The following SLC2A9 variants were observed in gnomAD, a reference collection of about 807,000 sequenced individuals.
SLC2A9 encodes the protein solute carrier family 2 member 9.
A neutral mutation model predicts 50.6 loss-of-function variants in SLC2A9; 39 were observed. The ratio of observed to expected loss-of-function variants is 0.77; its 90% confidence interval spans 0.60 to 1.01. The LOEUF (loss-of-function observed/expected upper bound fraction) is 1.01, where lower values mean the gene tolerates loss of function less well. Among genes scored for constraint, SLC2A9 ranks in the 50% least tolerant of loss-of-function variants. The probability of loss-of-function intolerance (pLI) is 0.00; values close to 1 mark genes in which losing one functional copy is unlikely to be tolerated. For missense variants in SLC2A9, 686 were observed against 677.6 expected, an observed-to-expected ratio of 1.01 and a Z score of -0.14; for synonymous variants, 324 against 276.9, an observed-to-expected ratio of 1.17 and a Z score of -1.69.
intron 9 of SLC2A9, among the ~76,000 whole-genome samples, chr4:9,887,859 C>A (rs1736580848): frequency 6.6e-6 from 1 of 152,156 alleles, no homozygotes; most frequent in Non-Finnish European, 1.5e-5. Flanking sequence ...CAGATGAAGC[C>A]TGTGATGAGT....
At chr4:9,843,871 A>G (rs1244221055) in intron 10 of SLC2A9, among the ~76,000 whole-genome samples, 1 of 152,124 alleles carries the variant, frequency 6.6e-6, no homozygotes, top group African/African-American at 2.4e-5. Flanking sequence ...ACACTTGTTG[A>G]CTAACTGTTT....
At chr4:9,825,387 C>A (rs1291156707), downstream of SLC2A9, among the ~76,000 whole-genome samples, 11 of 152,176 alleles carry the variant, frequency 7.2e-5, no homozygotes, top group Admixed American at 1.3e-4. Flanking sequence ...TTCCCTTGAG[C>A]ACTTTGAGTG....
intron 10 of SLC2A9, among the ~76,000 whole-genome samples, chr4:9,843,198 A>G (rs532071395): frequency 1.3e-5 from 2 of 152,270 alleles, no homozygotes; most frequent in South Asian, 4.1e-4. Flanking sequence ...GGTCTGTCTG[A>G]GAATCACAAA....
intron 3 of SLC2A9, among the ~76,000 whole-genome samples, chr4:9,805,069 C>T (rs1351047416): frequency 6.6e-6 from 1 of 152,182 alleles, no homozygotes; most frequent in African/African-American, 2.4e-5. Context: ...CTCTGCCGGC[C>T]TGCAGATCTC....
intron 5 of SLC2A9, among the ~76,000 whole-genome samples, chr4:9,952,442 A>G (rs1237771134): frequency 2.2e-4 from 33 of 151,988 alleles, no homozygotes; most frequent in Admixed American, 2.2e-3. Flanking sequence ...CCAGAAGCTG[A>G]GCAGGTGCCA....
chr4:9,995,821 T>C (rs1251617702), intron 3 of SLC2A9: 1 of 152,216 alleles, frequency 6.6e-6, no homozygotes, highest in East Asian at 1.9e-4. Flanking sequence ...ATAAATTAAA[T>C]GATTTGGCCA....
intron 6 of SLC2A9, among the ~76,000 whole-genome samples, chr4:9,926,325 C>A (rs1409924979): frequency 6.7e-6 from 1 of 148,374 alleles, no homozygotes; most frequent in Non-Finnish European, 1.5e-5. Flanking sequence ...TTGGTGCTCA[C>A]CAATGCAAAC....
Position 9,950,699 on chromosome 4 carries a change from CTGGCT to C in SLC2A9, c.682-8659_682-8655del, listed in dbSNP as rs1172382937. ...ACAGTATGGAGAGATCGAGACCATC[CTGGCT>C]AACACGGTGAAACCCTGTCTCTACT... is the stretch of plus-strand genomic sequence containing the variant. On this transcript the variant is annotated intron_variant, in intron 5 of 11. Transcript: ENST00000264784. Among the ~76,000 whole-genome samples, 418 of 47,808 alleles carry C rather than the reference CTGGCT, an allele frequency of 8.7e-3. 31 individuals are homozygous for C. Among genetic ancestry groups the C allele is most frequent in the East Asian group, 0.055 (72 of 1,312 alleles). 31.4% of individuals were successfully genotyped at this position (47,808 alleles called of 152,430 possible). A position where few individuals can be genotyped will look rare whatever the true frequency, so the allele number is the denominator to read the frequency against.
chr4:9,896,708 C>A (rs1225025361), intron 8 of SLC2A9, among the ~76,000 whole-genome samples: 1 of 152,204 alleles, frequency 6.6e-6, no homozygotes, highest in Admixed American at 6.5e-5. Context: ...TAGAGTTTAG[C>A]TTTTATGTCT....
chr4:9,884,490 AT>A (rs1560237385), intron 10 of SLC2A9, among the ~76,000 whole-genome samples: 1 of 151,592 alleles, frequency 6.6e-6, no homozygotes, highest in South Asian at 2.1e-4. Flanking sequence ...ATACAAGACC[AT>A]TTTTTGGAGG....
intron 5 of SLC2A9, among the ~76,000 whole-genome samples, chr4:9,966,586 G>A (rs1345525761): frequency 7.2e-6 from 1 of 138,088 alleles, no homozygotes; most frequent in Non-Finnish European, 1.5e-5. Context: ...AACCTGGGAG[G>A]CGGGGGTTGA....
At chr4:9,878,401 GT>G (rs1734634552) in intron 10 of SLC2A9, among the ~76,000 whole-genome samples, 1 of 152,074 alleles carries the variant, frequency 6.6e-6, no homozygotes, top group Non-Finnish European at 1.5e-5. Flanking sequence ...GCTGAGTTCA[GT>G]CACCAGTGGC....
chr4:9,776,953 A>G (rs751485058), downstream of SLC2A9, among the ~76,000 whole-genome samples: 34 of 152,100 alleles, frequency 2.2e-4, no homozygotes, highest in Non-Finnish European at 4.1e-4. Flanking sequence ...TTTATCAAAT[A>G]AGCTCACTCT....
intron 6 of SLC2A9, among the ~76,000 whole-genome samples, chr4:9,926,561 C>T (rs932784509): frequency 6.6e-6 from 1 of 151,766 alleles, no homozygotes; most frequent in Non-Finnish European, 1.5e-5. Flanking sequence ...TATGAATATA[C>T]ATGCTATCAC....
intron 3 of SLC2A9, among the ~76,000 whole-genome samples, chr4:9,816,747 G>A (rs1453338939): frequency 6.6e-6 from 1 of 151,928 alleles, no homozygotes; most frequent in Non-Finnish European, 1.5e-5. Context: ...TGAAAAAATG[G>A]AAATCTGGGT....
At chr4:9,782,119 G>A in intron 3 of SLC2A9, 1 of 1,546,582 alleles carries the variant, frequency 6.5e-7, no homozygotes, top group Non-Finnish European at 8.7e-7. Flanking sequence ...TGGGGGGCTC[G>A]GCGGGGGCAC....
intron 4 of SLC2A9, among the ~76,000 whole-genome samples, chr4:9,982,520 T>G (rs1756053996): frequency 6.6e-6 from 1 of 152,334 alleles, no homozygotes; most frequent in African/African-American, 2.4e-5. Flanking sequence ...TATTTTTAGT[T>G]AAGGAAATTC....
At chr4:9,967,829 A>G (rs534322460) in intron 5 of SLC2A9, among the ~76,000 whole-genome samples, 1 of 151,832 alleles carries the variant, frequency 6.6e-6, no homozygotes, top group South Asian at 2.1e-4. Flanking sequence ...ATAGAACAAA[A>G]CAAAAGTTAT....
At chr4:9,904,839 T>G (rs936061639) in intron 8 of SLC2A9, among the ~76,000 whole-genome samples, 6 of 152,148 alleles carry the variant, frequency 3.9e-5, no homozygotes, top group African/African-American at 7.2e-5. Context: ...TTCCAGGAAT[T>G]GGGGTCAATG....
Sources: allele counts gnomAD v4.1 joint callset (sites outside exome capture counted in the v4.1 genomes callset), GRCh38; gene constraint gnomAD v4.1.1; transcripts MANE v1.5; gene names NCBI Gene and HGNC (gene_info 2026-07-23, HGNC 2026-07-21).